SEC23A: variants seen among roughly 807,000 people sequenced by gnomAD.
The protein encoded by SEC23A is protein transport protein Sec23A.
A neutral mutation model predicts 103.7 loss-of-function variants in SEC23A; 56 were observed. The ratio of observed to expected loss-of-function variants is 0.54; its 90% CI spans 0.44 to 0.67. SEC23A has a LOEUF of 0.67. Among genes scored for constraint, SEC23A ranks in the 30% least tolerant of loss-of-function variants. SEC23A has a pLI of 0.00. For synonymous variants in SEC23A, 281 were observed against 293.0 expected (o/e 0.96, Z 0.42); for missense variants, 784 against 936.4 (o/e 0.84, Z 2.12).
At chr14:39,044,307 CT>C (rs1235633145) in intron 16 of SEC23A, among the ~76,000 whole-genome samples, 1 of 152,116 alleles carries the variant, frequency 6.6e-6, no homozygotes, top group African/African-American at 2.4e-5. Context: ...AAAAAAGTTA[CT>C]TCTAAAACAT....
intron 13 of SEC23A, among the ~76,000 whole-genome samples, chr14:39,058,409 G>A (rs367923530): frequency 1.3e-5 from 2 of 151,954 alleles, no homozygotes; most frequent in African/African-American, 2.4e-5. Context: ...CCGGGTTCAC[G>A]CCATTCTCCT....
At chr14:39,084,732 C>T (rs774890350) in intron 7 of SEC23A, among the ~76,000 whole-genome samples, 4 of 152,128 alleles carry the variant, frequency 2.6e-5, no homozygotes, top group East Asian at 1.9e-4. Flanking sequence ...TGCAGTGATG[C>T]GATCTCAGCT....
chr14:39,042,421 A>G (rs1885677291), intron 17 of SEC23A, among the ~76,000 whole-genome samples: 1 of 152,228 alleles, frequency 6.6e-6, no homozygotes, highest in Non-Finnish European at 1.5e-5. Context: ...ATAATAACTT[A>G]TAATGATTGC....
At chr14:39,045,855 A>C (rs1885814148) in intron 15 of SEC23A, among the ~76,000 whole-genome samples, 2 of 152,206 alleles carry the variant, frequency 1.3e-5, no homozygotes, top group Non-Finnish European at 2.9e-5. Context: ...AGAACATATA[A>C]AAATAAATTA....
intron 1 of SEC23A, among the ~76,000 whole-genome samples, chr14:39,099,320 A>G (rs913695273): frequency 6.6e-5 from 10 of 151,772 alleles, no homozygotes; most frequent in Admixed American, 2.0e-4. Context: ...CACCATACCC[A>G]GCTAATTTTT....
In SEC23A at chr14:39,045,223, G is replaced by A. The variant is rs1885789688; in HGVS notation, c.1839C>T (p.Thr613=). 1.2e-6 allele frequency: 2 copies of A among 1,613,140 alleles called. No homozygotes were observed. Among genetic ancestry groups the A allele is most frequent in the South Asian group, 2.2e-5 (2 of 91,062 alleles). ...YRHHFMRQDL[T]QSLIMIQPIL... is the part of the protein sequence containing the mutation. ...TAGGCTGAATCATAATTAGAGACTGGGTCAGATCTTGACGCATAAAATGGT... is the reference window on the plus strand; with the variant it reads ...TAGGCTGAATCATAATTAGAGACTGAGTCAGATCTTGACGCATAAAATGGT... The change falls in exon 16 of 20, where the codon ACC becomes ACT. Residue 613 remains threonine, a synonymous_variant. Coordinates refer to ENST00000307712, the MANE Select transcript of SEC23A (RefSeq NM_006364.4).
intron 2 of SEC23A, among the ~76,000 whole-genome samples, chr14:39,094,430 ATATATATATATATTTTTTTTTT>A (rs1335710575): frequency 5.1e-5 from 2 of 39,224 alleles, no homozygotes; most frequent in African/African-American, 2.0e-4. Context: ...ATATATATAT[ATATATATATATATTTTTTTTTT>A]TTTTTTTTCC....
chr14:39,086,687 G>T (rs1190133321), intron 6 of SEC23A, among the ~76,000 whole-genome samples: 2 of 151,898 alleles, frequency 1.3e-5, no homozygotes, highest in Non-Finnish European at 2.9e-5. Context: ...TTTTTCCAAA[G>T]TTCAAAATAA....
chr14:39,097,244 G>T (rs540373201), intron 1 of SEC23A, among the ~76,000 whole-genome samples: 1 of 152,168 alleles, frequency 6.6e-6, no homozygotes, highest in African/African-American at 2.4e-5. Context: ...GCTTTCCTAC[G>T]TAGGCAACAG....
intron 5 of SEC23A, among the ~76,000 whole-genome samples, chr14:39,089,362 A>G (rs572496842): frequency 6.6e-6 from 1 of 152,218 alleles, no homozygotes; most frequent in South Asian, 2.1e-4. Flanking sequence ...GGTATATACT[A>G]TTACTATCTC....
At chr14:39,045,368 T>C (rs774620917) in intron 15 of SEC23A, 44 bp from the exon 16 acceptor site, 2 of 1,479,496 alleles carry the variant, frequency 1.4e-6, no homozygotes, top group African/African-American at 1.4e-5. Flanking sequence ...ATTTTAATAT[T>C]AAAACAGGTG....
In SEC23A at chr14:39,094,389, CACACACACATATATATAT is replaced by C. The variant is rs1176862311; in HGVS notation, c.222-1163_222-1146del. Reference sequence around the variant, plus strand: ...ATATATATATACACACACACACACACACACACACATATATATATATATATATATATATATATATATATA... The same window carrying C: ...ATATATATATACACACACACACACACATATATATATATATATATATATATA... On this transcript the variant is annotated intron_variant, in intron 2 of 19. Transcript: ENST00000307712. Among the ~76,000 whole-genome samples, 117 of 50,208 alleles carry C rather than the reference CACACACACATATATATAT, an allele frequency of 2.3e-3. 23 individuals are homozygous for C. The highest frequency in any genetic ancestry group is 7.5e-3 in the African/African-American group (98 of 13,036). 32.9% of individuals were successfully genotyped at this position (50,208 alleles called of 152,430 possible).
chr14:39,094,387 CACACACACACATAT>C (rs1488426722), intron 2 of SEC23A, among the ~76,000 whole-genome samples: 2 of 53,262 alleles, frequency 3.8e-5, no homozygotes, highest in African/African-American at 1.3e-4. Context: ...CACACACACA[CACACACACACATAT>C]ATATATATAT....
intron 13 of SEC23A, among the ~76,000 whole-genome samples, chr14:39,058,522 T>C (rs1359024497): frequency 6.6e-6 from 1 of 152,200 alleles, no homozygotes; most frequent in Non-Finnish European, 1.5e-5. Flanking sequence ...TTAGCCAGGA[T>C]GGTCTTGATC....
intron 9 of SEC23A, among the ~76,000 whole-genome samples, chr14:39,070,513 C>A (rs903331663): frequency 6.6e-6 from 1 of 152,092 alleles, no homozygotes; most frequent in African/African-American, 2.4e-5. Flanking sequence ...AAGGATTATA[C>A]GCCATGACCA....
Position 39,096,071 on chromosome 14 carries a change from T to C in SEC23A, c.48A>G (p.Gly16=), listed in dbSNP as rs1184492572. The C allele has an allele frequency of 2.5e-6, 4 of 1,614,104 alleles. No individual in the cohort carries two copies. The highest frequency in any genetic ancestry group is 3.4e-6 in the Non-Finnish European group (4 of 1,179,958). The change falls in exon 2 of 20, where the codon GGA becomes GGG. Residue 16 remains glycine, a synonymous_variant. Transcript: ENST00000307712. The part of the protein sequence containing the change: ...EFIQQNEERD[G]VRFSWNVWPS... ...GCCAAACATTCCAACTAAATCGGAC[T>C]CCATCTCGTTCTTCATTTTGTTGAA...
chr14:39,067,553 T>C (rs889830169), intron 9 of SEC23A, among the ~76,000 whole-genome samples: 3 of 151,942 alleles, frequency 2.0e-5, no homozygotes, highest in African/African-American at 7.3e-5. Context: ...AATTCTTCTT[T>C]AAATAGGCAA....
intron 14 of SEC23A, among the ~76,000 whole-genome samples, chr14:39,049,175 T>TA (rs57579296): frequency 0.3 from 41,927 of 138,364 alleles, 6,503 homozygotes; most frequent in Non-Finnish European, 0.36. Flanking sequence ...CCATCGCTAT[T>TA]AAAAAAAAAA....
At position 39,045,550 on chromosome 14, in the gene SEC23A, A is replaced by T. The variant is rs902976790; in HGVS notation, c.1738-226T>A. ...AAAAAATTTAAGAAAGAAAAAAAAA[A>T]TTTTTAAGTTAAAGTAAGAAAAGGA... On this transcript the variant is annotated intron_variant, in intron 15 of 19. Coordinates refer to ENST00000307712, the MANE Select transcript of SEC23A (RefSeq NM_006364.4). Among the ~76,000 whole-genome samples the T allele has an allele frequency of 2.1e-4, 32 of 152,192 alleles. No individual in the cohort carries two copies. In the East Asian group the frequency reaches 4.0e-3, roughly 19 times the overall value.
Sources: allele counts gnomAD v4.1 joint callset (sites outside exome capture counted in the v4.1 genomes callset), GRCh38; gene constraint gnomAD v4.1.1; transcripts MANE v1.5; gene names NCBI Gene and HGNC (gene_info 2026-07-23, HGNC 2026-07-21).